Variants in CCNF observed in about 807,000 individuals in gnomAD.
CCNF encodes the protein cyclin-F.
In CCNF, 30 loss-of-function variants were observed where a neutral mutation model predicts 85.4. The observed-to-expected ratio is 0.35, with a 90% confidence interval of 0.26 to 0.48. CCNF has a LOEUF of 0.48. Ranked by LOEUF, CCNF falls within the 20% of genes least tolerant of loss-of-function variation. The pLI is 0.99. For synonymous variants in CCNF, 439 were observed against 425.1 expected (o/e 1.03, Z -0.40); for missense variants, 919 against 1,010.4 (o/e 0.91, Z 1.23).
At chr16:2,431,376 TAAAA>T in intron 2 of CCNF, 92 bp downstream of exon 2, 1 of 1,429,280 alleles carries the variant, frequency 7.0e-7, no homozygotes, top group Non-Finnish European at 9.6e-7. Context: ...AAACTTTGGC[TAAAA>T]AAGAGGTTGG....
intron 4 of CCNF, 113 bp downstream of exon 4, chr16:2,435,986 T>C: frequency 4.5e-6 from 3 of 671,828 alleles, no homozygotes; most frequent in Non-Finnish European, 7.9e-6. Context: ...CTCTATCCGA[T>C]GGCCTGCCTC....
intron 1 of CCNF, 125 bp downstream of exon 1, chr16:2,429,622 T>G: frequency 1.0e-6 from 1 of 971,734 alleles, no homozygotes; most frequent in Non-Finnish European, 1.3e-6. Context: ...TCGAGCTCTT[T>G]AACCCGGGGC....
At chr16:2,442,919 AT>A (rs1271956859) in intron 8 of CCNF, among the ~76,000 whole-genome samples, 8 of 61,550 alleles carry the variant, frequency 1.3e-4, no homozygotes, top group South Asian at 5.5e-4. Flanking sequence ...ATAAATATAT[AT>A]TAATATATAT....
chr16:2,454,959 C>CTGAGGCA, intron 15 of CCNF, among the ~76,000 whole-genome samples: 1 of 150,590 alleles, frequency 6.6e-6, no homozygotes, highest in Non-Finnish European at 1.5e-5. Flanking sequence ...ACTCAGGAGC[C>CTGAGGCA]TGAGGCAGGA....
intron 15 of CCNF, 89 bp from the exon 16 acceptor site, chr16:2,455,306 C>T (rs2141832348): frequency 1.4e-6 from 2 of 1,441,530 alleles, no homozygotes; most frequent in South Asian, 3.0e-5. Flanking sequence ...CAGGCTGGGG[C>T]ACGCGGGTGT....
At chr16:2,445,732 T>G (rs1165327331) in intron 10 of CCNF, 110 bp downstream of exon 10, 27 of 1,066,170 alleles carry the variant, frequency 2.5e-5, no homozygotes, top group Middle Eastern at 3.2e-4. Flanking sequence ...TTGTGTTGTT[T>G]TTTTTTTTTT....
At chr16:2,429,813 G>C (rs1275125679) in intron 1 of CCNF, among the ~76,000 whole-genome samples, 2 of 152,042 alleles carry the variant, frequency 1.3e-5, no homozygotes, top group Middle Eastern at 3.2e-3. Flanking sequence ...ATCGGGTCTC[G>C]GGGAGCCAAA....
rs376486180 is a variant in CCNF, at chr16:2,439,823, G to A, written c.774G>A (p.Ala258=). Residue 258 remains alanine, a synonymous_variant, in exon 8 of 17, where the codon GCG becomes GCA. Transcript: ENST00000397066. ...RDYAAKGCWE[A]QLSLAKACAN... is the part of the protein sequence containing the mutation. ...ACGCTGCCAAAGGCTGCTGGGAAGC[G>A]CAGGTGAGGTGCGGGGCTGGGATGA... The A allele has an allele frequency of 2.0e-5, 32 of 1,613,896 alleles. No individual in the cohort carries two copies. Among genetic ancestry groups the A allele is most frequent in the African/African-American group, 9.3e-5 (7 of 75,038 alleles).
In CCNF at chr16:2,452,979, CAT is replaced by C; in HGVS notation, c.1488-230_1488-229del. 1.7e-6 allele frequency: 1 copy of C among 580,908 alleles called. No homozygotes were observed. The highest frequency in any genetic ancestry group is 3.1e-6 in the Non-Finnish European group (1 of 324,704). 36.0% of individuals were successfully genotyped at this position (580,908 alleles called of 1,614,324 possible). ...CTATTGTGAACAGTCCTGCCATGAA[CAT>C]TCTAGTACAGGTTTCTGTGTGGACA... On this transcript the variant is annotated intron_variant, in intron 13 of 16. Coordinates refer to ENST00000397066, the MANE Select transcript of CCNF (RefSeq NM_001761.3). The surrounding 1 kb of genome is among the most constrained non-coding windows in gnomAD (Gnocchi z 4.1).
chr16:2,445,741 T>TTC (rs2065359003), intron 10 of CCNF, 119 bp downstream of exon 10: 1 of 1,025,404 alleles, frequency 9.8e-7, no homozygotes, highest in Non-Finnish European at 1.4e-6. Context: ...TTTTTTTTTT[T>TTC]TCCCGAGACC....
Position 2,456,183 on chromosome 16 carries a change from G to A in CCNF, c.1886-362G>A, listed in dbSNP as rs887844271. 4.4e-5 allele frequency: 10 copies of A among 225,352 alleles called. No individual in the cohort carries two copies. The South Asian group carries it at 5.1e-4, about 12-fold the overall frequency. The allele number at this position is 225,352 out of a possible 1,614,324, so 14.0% of individuals were successfully genotyped here. A position where few individuals can be genotyped will look rare whatever the true frequency, so the allele number is the denominator to read the frequency against. On this transcript the variant is annotated intron_variant, in intron 16 of 16. Coordinates refer to ENST00000397066, the MANE Select transcript of CCNF (RefSeq NM_001761.3). The surrounding 1 kb of genome is among the most constrained non-coding windows in gnomAD (Gnocchi z 4.5). ...TTTGAGGTGTGCCCACGTGGTATAC[G>A]TGACACTCCTCACTGCCCTGCTGGG...
intron 5 of CCNF, 53 bp downstream of exon 5, chr16:2,437,375 C>T: frequency 7.2e-7 from 1 of 1,379,632 alleles, no homozygotes; most frequent in South Asian, 1.4e-5. Context: ...GGTCCCAGGA[C>T]ACAGGAAGAC....
chr16:2,454,830 T>C (rs1364837962), intron 15 of CCNF, among the ~76,000 whole-genome samples: 1 of 151,994 alleles, frequency 6.6e-6, no homozygotes. Context: ...GAGGCCGAGG[T>C]GGGCGGATCA....
chr16:2,441,049 T>G (rs866086341), intron 8 of CCNF, among the ~76,000 whole-genome samples: 1 of 151,656 alleles, frequency 6.6e-6, no homozygotes, highest in Non-Finnish European at 1.5e-5. Flanking sequence ...CTGGCCAATG[T>G]GGTGAAACCC....
At chr16:2,447,331 T>A (rs2065367644) in intron 10 of CCNF, among the ~76,000 whole-genome samples, 1 of 151,286 alleles carries the variant, frequency 6.6e-6, no homozygotes, top group African/African-American at 2.4e-5. Flanking sequence ...ACGCCTGTAA[T>A]CCCAGCACTT....
intron 1 of CCNF, 66 bp downstream of exon 1, chr16:2,429,563 C>T: frequency 8.2e-7 from 1 of 1,213,716 alleles, no homozygotes; most frequent in Non-Finnish European, 1.0e-6. Flanking sequence ...GCGGGGCGGA[C>T]GGTGGGTCCC....
intron 8 of CCNF, among the ~76,000 whole-genome samples, chr16:2,441,264 C>T (rs11639797): frequency 0.75 from 114,271 of 151,396 alleles, 44,060 homozygotes; most frequent in African/African-American, 0.92. Flanking sequence ...GATGTGGTGG[C>T]GTGTGCCTTG....
intron 9 of CCNF, 123 bp downstream of exon 9, chr16:2,443,923 C>CT: frequency 2.7e-5 from 20 of 751,270 alleles, no homozygotes; most frequent in South Asian, 1.0e-4. Context: ...CCCTTATCAC[C>CT]CTTTTTTTTT....
In CCNF at chr16:2,429,487, G is replaced by A; in HGVS notation, c.6G>A (p.Gly2=). 1 of 1,231,142 alleles carries A rather than the reference G, an allele frequency of 8.1e-7. No individual in the cohort carries two copies. Among genetic ancestry groups the A allele is most frequent in the Non-Finnish European group, 1.0e-6 (1 of 987,588 alleles). The allele number at this position is 1,231,142 out of a possible 1,614,324, so 76.3% of individuals were successfully genotyped here. ...GCAGCGACGCGAGCGCGGCGATGGG[G>A]AGCGGCGGCGGTGAGTGCGGGGCGA... M[G]SGGVVHCRCA... The change falls in exon 1 of 17, where the codon GGG becomes GGA. Residue 2 remains glycine, a synonymous_variant. Coordinates refer to ENST00000397066, the MANE Select transcript of CCNF (RefSeq NM_001761.3).
Sources: gnomAD v4.1 joint callset for allele counts (sites outside exome capture counted in the v4.1 genomes callset) on GRCh38, gnomAD v4.1.1 for gene constraint, Gnocchi (gnomAD v3.1) non-coding constraint, MANE v1.5 for transcripts, NCBI Gene and HGNC (gene_info 2026-07-23, HGNC 2026-07-21) for gene names.